Variants in MARCHF10 observed in about 807,000 individuals in gnomAD.
MARCHF10 encodes probable E3 ubiquitin-protein ligase MARCHF10.
A neutral mutation model predicts 76.2 loss-of-function variants in MARCHF10; 64 were observed. The ratio of observed to expected loss-of-function variants is 0.84; its 90% CI spans 0.69 to 1.03. MARCHF10 has a LOEUF of 1.03. Ranked by LOEUF, MARCHF10 falls within the 50% of genes least tolerant of loss-of-function variation. The probability of loss-of-function intolerance (pLI) is 0.00; values close to 1 mark genes in which losing one functional copy is unlikely to be tolerated. For synonymous variants in MARCHF10, 340 were observed against 357.5 expected (o/e 0.95, Z 0.55); for missense variants, 875 against 958.0 (o/e 0.91, Z 1.14).
At chr17:62,746,845 A>G (rs1219111675) in intron 4 of MARCHF10, 6 of 1,499,554 alleles carry the variant, frequency 4.0e-6, no homozygotes, top group Non-Finnish European at 5.4e-6. Flanking sequence ...GAGGCCACTG[A>G]GCCCCGCCAC....
rs1001038472 is a variant in MARCHF10 at position 62,701,438 on chromosome 17, T to A, written c.*265A>T. On this transcript the variant is annotated 3_prime_UTR_variant, in exon 11 of 11. Transcript: ENST00000311269. ...ACTGGACCTGGCAGGGCTTCTGGGC[T>A]AAGGGGGCAGCACCAGGCCAGCCTG... is the stretch of plus-strand genomic sequence containing the variant. The A allele has an allele frequency of 5.6e-6, 4 of 710,486 alleles. No homozygotes were observed. The highest frequency in any genetic ancestry group is 6.2e-5 in the East Asian group (2 of 32,106). The allele number at this position is 710,486 out of a possible 1,614,324, so 44.0% of individuals were successfully genotyped here.
At chr17:62,757,959 T>G (rs1453485102) in intron 4 of MARCHF10, among the ~76,000 whole-genome samples, 3 of 152,208 alleles carry the variant, frequency 2.0e-5, no homozygotes, top group Admixed American at 6.5e-5. Context: ...ACATCTGTAT[T>G]AATTAGACAA....
chr17:62,706,086 A>G (rs1346185400), intron 9 of MARCHF10: 1 of 153,994 alleles, frequency 6.5e-6, no homozygotes, highest in East Asian at 1.9e-4. Context: ...GTGGGAGCCC[A>G]TTGTGCCAGG....
At chr17:62,751,851 T>A (rs552203774) in intron 4 of MARCHF10, among the ~76,000 whole-genome samples, 1 of 152,094 alleles carries the variant, frequency 6.6e-6, no homozygotes, top group South Asian at 2.1e-4. Flanking sequence ...AGAAACCCCA[T>A]CTCTACTAAA....
At chr17:62,737,522 C>G in intron 5 of MARCHF10, 190 bp from the exon 6 acceptor site, 1 of 597,526 alleles carries the variant, frequency 1.7e-6, no homozygotes, top group Non-Finnish European at 2.9e-6. Flanking sequence ...GCCCCGTATT[C>G]TCCTTTGTAC....
intron 4 of MARCHF10, 25 bp downstream of exon 4, chr17:62,759,810 G>T: frequency 6.2e-7 from 1 of 1,606,828 alleles, no homozygotes; most frequent in Non-Finnish European, 8.5e-7. Context: ...TAGATCTGAT[G>T]AATTTCAATA....
Position 62,712,816 on chromosome 17 carries a change from C to T in MARCHF10, c.2215-1472G>A, listed in dbSNP as rs528764240. 1.3e-5 allele frequency among the ~76,000 whole-genome samples: 2 copies of T among 152,282 alleles called. No individual in the cohort carries two copies. Among genetic ancestry groups the T allele is most frequent in the African/African-American group, 4.8e-5 (2 of 41,560 alleles). ...CTGGAGTGCAATGGCGTGATCTCGG[C>T]TCACTGCAACCTCCACCTCCCAGGT... On this transcript the variant is annotated intron_variant, in intron 8 of 10. Transcript: ENST00000311269. The surrounding 1 kb of genome is among the most constrained non-coding windows in gnomAD (Gnocchi z 4.2).
intron 2 of MARCHF10, among the ~76,000 whole-genome samples, chr17:62,796,636 G>A (rs2092990090): frequency 1.3e-5 from 2 of 152,210 alleles, no homozygotes; most frequent in Admixed American, 6.5e-5. Flanking sequence ...ACATTGAAGA[G>A]GGAGACTCAG....
At chr17:62,718,657 G>C (rs1188508398) in intron 8 of MARCHF10, among the ~76,000 whole-genome samples, 1 of 152,170 alleles carries the variant, frequency 6.6e-6, no homozygotes, top group Non-Finnish European at 1.5e-5. Context: ...CCTGACCTCA[G>C]GCACTGAGAG....
intron 4 of MARCHF10, 34 bp from the exon 5 acceptor site, chr17:62,744,562 TG>T: frequency 6.2e-7 from 1 of 1,609,434 alleles, no homozygotes. Flanking sequence ...ATAATTATTT[TG>T]TTTACAGGAA....
chr17:62,734,751 C>G (rs2091190171), intron 6 of MARCHF10, among the ~76,000 whole-genome samples: 1 of 151,958 alleles, frequency 6.6e-6, no homozygotes, highest in African/African-American at 2.4e-5. Flanking sequence ...TTATTATATA[C>G]AGAAAAAAGA....
intron 3 of MARCHF10, among the ~76,000 whole-genome samples, chr17:62,765,899 T>C (rs1185918786): frequency 6.6e-6 from 1 of 152,074 alleles, no homozygotes; most frequent in Non-Finnish European, 1.5e-5. Flanking sequence ...AGGAAATTGA[T>C]AGATTTTAAA....
At chr17:62,707,113 G>A (rs908109691) in intron 9 of MARCHF10, among the ~76,000 whole-genome samples, 3 of 152,068 alleles carry the variant, frequency 2.0e-5, no homozygotes, top group African/African-American at 4.8e-5. Flanking sequence ...TTATTACCCC[G>A]TGCCATTGCA....
chr17:62,729,623 G>A (rs1275924347), intron 6 of MARCHF10, among the ~76,000 whole-genome samples: 2 of 151,100 alleles, frequency 1.3e-5, no homozygotes, highest in African/African-American at 2.4e-5. Flanking sequence ...TTGTCACCCA[G>A]GCTGGAGTGC....
intron 3 of MARCHF10, among the ~76,000 whole-genome samples, chr17:62,771,041 G>A (rs1176302319): frequency 6.6e-6 from 1 of 151,794 alleles, no homozygotes; most frequent in Admixed American, 6.6e-5. Flanking sequence ...ATTTTTAGTA[G>A]AGGCGAGGTT....
chr17:62,702,581 G>A (rs936347722), intron 10 of MARCHF10, among the ~76,000 whole-genome samples: 6 of 152,044 alleles, frequency 3.9e-5, no homozygotes, highest in Non-Finnish European at 8.8e-5. Context: ...CAGGAGAATC[G>A]CTTGAACTTG....
chr17:62,701,541 C>T lies in MARCHF10; in HGVS notation c.*162G>A, dbSNP rs894416759. 11 of 1,500,210 alleles carry T rather than the reference C, an allele frequency of 7.3e-6. No individual in the cohort carries two copies. In the African/African-American group the frequency reaches 1.5e-4, roughly 21 times the overall value. The allele number at this position is 1,500,210 out of a possible 1,614,324, so 92.9% of individuals were successfully genotyped here. ...TGGTCGCTGTGGCTGCCCATAGATGCTCAAGCCAGACCCCAAAAGAGAGTG... is the reference window on the plus strand; with the variant it reads ...TGGTCGCTGTGGCTGCCCATAGATGTTCAAGCCAGACCCCAAAAGAGAGTG... On this transcript the variant is annotated 3_prime_UTR_variant, in exon 11 of 11. Transcript: ENST00000311269.
chr17:62,728,512 A>G (rs2090868830), intron 6 of MARCHF10, among the ~76,000 whole-genome samples: 1 of 152,200 alleles, frequency 6.6e-6, no homozygotes, highest in Admixed American at 6.5e-5. Flanking sequence ...CACATGTGGA[A>G]ACCACCAGCA....
intron 9 of MARCHF10, among the ~76,000 whole-genome samples, chr17:62,709,140 G>C (rs776324063): frequency 6.6e-6 from 1 of 152,160 alleles, no homozygotes; most frequent in Non-Finnish European, 1.5e-5. Flanking sequence ...TCCGCACCTG[G>C]TACAGGGCAG....
Sources: gnomAD v4.1 joint callset for allele counts (sites outside exome capture counted in the v4.1 genomes callset) on GRCh38, gnomAD v4.1.1 for gene constraint, Gnocchi (gnomAD v3.1) non-coding constraint, MANE v1.5 for transcripts, NCBI Gene and HGNC (gene_info 2026-07-23, HGNC 2026-07-21) for gene names.